The following TMTC1 variants were observed in gnomAD, a reference collection of about 807,000 sequenced individuals.
The protein encoded by TMTC1 is protein O-mannosyl-transferase TMTC1.
In TMTC1, 73 loss-of-function variants were observed where a neutral mutation model predicts 104.8. The ratio of observed to expected loss-of-function variants is 0.70; its 90% confidence interval spans 0.58 to 0.85. The LOEUF (loss-of-function observed/expected upper bound fraction) is 0.85, where lower values mean the gene tolerates loss of function less well. TMTC1 is among the 40% of genes least tolerant of loss of function. TMTC1 has a pLI of 0.00. For missense variants in TMTC1, 1,035 were observed against 1,096.1 expected, an observed-to-expected ratio of 0.94 and a Z score of 0.79; for synonymous variants, 434 against 428.7, an observed-to-expected ratio of 1.01 and a Z score of -0.15.
At chr12:29,635,507 A>T (rs568472511) in intron 5 of TMTC1, among the ~76,000 whole-genome samples, 1 of 152,310 alleles carries the variant, frequency 6.6e-6, no homozygotes, top group Admixed American at 6.5e-5. Context: ...ATCATCAATG[A>T]CTGCTTAAAT....
intron 1 of TMTC1, among the ~76,000 whole-genome samples, chr12:29,768,482 C>T (rs879704013): frequency 6.6e-6 from 1 of 152,162 alleles, no homozygotes; most frequent in Non-Finnish European, 1.5e-5. Flanking sequence ...CCACATACAC[C>T]GGAGATGAAC....
intron 5 of TMTC1, among the ~76,000 whole-genome samples, chr12:29,643,972 T>C (rs1939111117): frequency 8.9e-6 from 1 of 112,402 alleles, no homozygotes; most frequent in Non-Finnish European, 1.7e-5. Context: ...TACTTACATA[T>C]AAATATATAT....
At chr12:29,666,493 A>C (rs1224458907) in intron 5 of TMTC1, among the ~76,000 whole-genome samples, 3 of 151,506 alleles carry the variant, frequency 2.0e-5, no homozygotes, top group Non-Finnish European at 4.4e-5. Context: ...TCTGCCTCCC[A>C]AAGTGCTGGG....
chr12:29,516,292 G>C, intron 15 of TMTC1, 57 bp downstream of exon 15: 4 of 1,561,400 alleles, frequency 2.6e-6, no homozygotes, highest in Non-Finnish European at 3.5e-6. Context: ...AATCACTTAG[G>C]TGCACCCCAT....
Position 29,783,441 on chromosome 12 carries a change from G to T in TMTC1, c.302+9C>A, listed in dbSNP as rs1382954639. Reference sequence around the variant, plus strand: ...GGCAGCGGCGGCTAGCGCGAGGTGAGGGACTCACTTGAAGGTGAGGACGCA... The same window carrying T: ...GGCAGCGGCGGCTAGCGCGAGGTGATGGACTCACTTGAAGGTGAGGACGCA... On this transcript the variant is annotated intron_variant, in intron 1 of 17. Coordinates refer to ENST00000539277, the MANE Select transcript of TMTC1 (RefSeq NM_001193451.2). The surrounding 1 kb of genome is among the most constrained non-coding windows in gnomAD (Gnocchi z 4.7). 17 of 1,300,904 alleles carry T rather than the reference G, an allele frequency of 1.3e-5. No individual in the cohort carries two copies. Among genetic ancestry groups the T allele is most frequent in the Non-Finnish European group, 1.7e-5 (17 of 1,021,230 alleles). 80.6% of individuals were successfully genotyped at this position (1,300,904 alleles called of 1,614,324 possible).
intron 5 of TMTC1, 93 bp downstream of exon 5, chr12:29,751,573 G>A (rs942173154): frequency 7.6e-7 from 1 of 1,324,082 alleles, no homozygotes; most frequent in South Asian, 1.2e-5. Flanking sequence ...ACAGTGTGCT[G>A]ACTCAGTGCT....
chr12:29,649,332 A>G (rs139515502), intron 5 of TMTC1, among the ~76,000 whole-genome samples: 5 of 152,252 alleles, frequency 3.3e-5, no homozygotes, highest in Non-Finnish European at 5.9e-5. Flanking sequence ...GCAATTTAAT[A>G]AAATCTAAAT....
At chr12:29,620,735 G>T (rs541410336) in intron 6 of TMTC1, among the ~76,000 whole-genome samples, 1 of 152,296 alleles carries the variant, frequency 6.6e-6, no homozygotes, top group Admixed American at 6.5e-5. Context: ...CATGGCCTAT[G>T]GGCCAAAGTT....
intron 5 of TMTC1, among the ~76,000 whole-genome samples, chr12:29,644,502 T>C (rs1939181604): frequency 6.6e-6 from 1 of 151,844 alleles, no homozygotes; most frequent in African/African-American, 2.4e-5. Flanking sequence ...GTACCACCAA[T>C]AACCTATGGA....
chr12:29,747,298 T>A (rs552218772), intron 5 of TMTC1, among the ~76,000 whole-genome samples: 38 of 152,280 alleles, frequency 2.5e-4, no homozygotes, highest in African/African-American at 8.4e-4. Context: ...CATTTCTCAT[T>A]TCCCATGGAA....
intron 17 of TMTC1, among the ~76,000 whole-genome samples, chr12:29,509,062 C>T (rs1029798040): frequency 6.6e-6 from 1 of 152,112 alleles, no homozygotes; most frequent in Admixed American, 6.5e-5. Flanking sequence ...TTCTCAGTTG[C>T]ACCAGCCATA....
At chr12:29,529,179 G>A (rs540268135) in intron 11 of TMTC1, among the ~76,000 whole-genome samples, 1 of 152,270 alleles carries the variant, frequency 6.6e-6, no homozygotes, top group East Asian at 1.9e-4. Context: ...GATAATGACA[G>A]GGAAAAGGCA....
intron 1 of TMTC1, among the ~76,000 whole-genome samples, chr12:29,772,690 T>A (rs1453590504): frequency 6.6e-6 from 1 of 152,158 alleles, no homozygotes; most frequent in Non-Finnish European, 1.5e-5. Flanking sequence ...TTATATCAGT[T>A]GCTTGGATAA....
intron 5 of TMTC1, among the ~76,000 whole-genome samples, chr12:29,748,052 T>C (rs1178710973): frequency 1.3e-5 from 2 of 152,230 alleles, no homozygotes; most frequent in African/African-American, 4.8e-5. Context: ...TAATCAAATA[T>C]ATACTCAAAG....
chr12:29,693,005 C>T (rs1941308939), intron 5 of TMTC1, among the ~76,000 whole-genome samples: 1 of 144,880 alleles, frequency 6.9e-6, no homozygotes, highest in Non-Finnish European at 1.5e-5. Flanking sequence ...TGAAAACTGA[C>T]TGCAAATGCC....
intron 5 of TMTC1, among the ~76,000 whole-genome samples, chr12:29,656,382 CAG>C (rs1939760242): frequency 7.9e-6 from 1 of 127,074 alleles, no homozygotes; most frequent in Admixed American, 8.9e-5. Flanking sequence ...TTTTTAAAGA[CAG>C]AGTCTCGCTC....
In TMTC1 at chr12:29,693,108, G is replaced by C. The variant is rs964317305; in HGVS notation, c.938+58558C>G. Among the ~76,000 whole-genome samples, 3 of 144,588 alleles carry C rather than the reference G, an allele frequency of 2.1e-5. No homozygotes were observed. In the Admixed American group the frequency reaches 2.1e-4, roughly 10 times the overall value. 94.9% of individuals were successfully genotyped at this position (144,588 alleles called of 152,430 possible). On this transcript the variant is annotated intron_variant, in intron 5 of 17. Transcript: ENST00000539277. ...TAAAAGTTTTGAAAATGTTTAAAGTGTTTTCTTTAATTGACACATAATAAT... is the reference window on the plus strand; with the variant it reads ...TAAAAGTTTTGAAAATGTTTAAAGTCTTTTCTTTAATTGACACATAATAAT...
chr12:29,615,700 T>C (rs1946959638), intron 6 of TMTC1, among the ~76,000 whole-genome samples: 1 of 152,144 alleles, frequency 6.6e-6, no homozygotes, highest in Non-Finnish European at 1.5e-5. Context: ...ACAGCCTCCA[T>C]AGAATGAAAA....
chr12:29,628,220 G>A (rs560132292), intron 6 of TMTC1, among the ~76,000 whole-genome samples: 2 of 152,206 alleles, frequency 1.3e-5, no homozygotes, highest in South Asian at 2.1e-4. Context: ...GAACAGAAGC[G>A]TGACCCTAAG....
Sources: allele counts gnomAD v4.1 joint callset (sites outside exome capture counted in the v4.1 genomes callset), GRCh38; gene constraint gnomAD v4.1.1; non-coding constraint Gnocchi (gnomAD v3.1); transcripts MANE v1.5; gene names NCBI Gene and HGNC (gene_info 2026-07-23, HGNC 2026-07-21).